The following CAPS2 variants were observed in gnomAD, a reference collection of about 807,000 sequenced individuals.
CAPS2 encodes calcyphosine 2, also known as calcyphosin-2.
CAPS2 carries 98 observed loss-of-function variants against 86.5 expected under a neutral mutation model. That is an observed-to-expected ratio of 1.13 (90% CI 0.96 to 1.34). The LOEUF (loss-of-function observed/expected upper bound fraction) is 1.34. Among genes scored for constraint, CAPS2 ranks in the 40% most tolerant of loss-of-function variants. CAPS2 has a pLI of 0.00. For missense variants in CAPS2, 729 were observed against 686.8 expected (o/e 1.06, Z -0.69); for synonymous variants, 210 against 225.1 (o/e 0.93, Z 0.60).
intron 13 of CAPS2, among the ~76,000 whole-genome samples, chr12:75,290,329 C>T (rs1315225877): frequency 6.6e-6 from 1 of 152,118 alleles, no homozygotes; most frequent in African/African-American, 2.4e-5. Context: ...TTGCTTAGAT[C>T]CCTAGCATTC....
intron 1 of CAPS2, among the ~76,000 whole-genome samples, chr12:75,358,767 G>A (rs891852676): frequency 3.6e-5 from 5 of 140,032 alleles, no homozygotes; most frequent in Admixed American, 1.5e-4. Flanking sequence ...TATTATATAT[G>A]TTTAAATATA....
chr12:75,359,670 T>C (rs764597780), intron 1 of CAPS2, among the ~76,000 whole-genome samples: 22 of 152,056 alleles, frequency 1.4e-4, no homozygotes, highest in Admixed American at 3.3e-4. Flanking sequence ...AGATCAGAAA[T>C]AGACTCACAC....
chr12:75,353,840 C>T (rs561632244), intron 1 of CAPS2, among the ~76,000 whole-genome samples: 25 of 152,250 alleles, frequency 1.6e-4, no homozygotes, highest in African/African-American at 5.1e-4. Flanking sequence ...GTTCAACATA[C>T]GCAAATCAAT....
intron 1 of CAPS2, chr12:75,363,008 C>G (rs1375322008): frequency 1.7e-6 from 1 of 578,746 alleles, no homozygotes; most frequent in Non-Finnish European, 3.1e-6. Context: ...ACATTTATGA[C>G]TTAATAAATG....
At position 75,354,054 on chromosome 12, in the gene CAPS2, C is replaced by T. The variant is rs187116351; in HGVS notation, c.-394-30832G>A. Reference sequence around the variant, plus strand: ...CAATGTCATACTGAATGGGCAAAAGCTGGATGCATTCCCCTTGAAAACCAG... The same window carrying T: ...CAATGTCATACTGAATGGGCAAAAGTTGGATGCATTCCCCTTGAAAACCAG... On this transcript the variant is annotated intron_variant, in intron 1 of 5. Transcript: ENST00000551829. Among the ~76,000 whole-genome samples the T allele has an allele frequency of 6.6e-4, 100 of 150,682 alleles. 1 individual carries two copies. In the East Asian group the frequency reaches 0.019, roughly 29 times the overall value.
In CAPS2 at chr12:75,312,843, C is replaced by A; in HGVS notation, c.659+5G>T. ...TGATTTCTATTACCAGTTGCTAATT[C>A]TCACCTAGATAAGTGGTCTATCATC... On this transcript the variant is annotated splice_donor_5th_base_variant and intron_variant, in intron 7 of 16. Coordinates refer to ENST00000393284, the Ensembl canonical transcript of CAPS2. 6.6e-7 allele frequency: 1 copy of A among 1,525,316 alleles called. No individual in the cohort carries two copies. The highest frequency in any genetic ancestry group is 9.1e-7 in the Non-Finnish European group (1 of 1,101,468). 94.5% of individuals were successfully genotyped at this position (1,525,316 alleles called of 1,614,324 possible). A position where few individuals can be genotyped will look rare whatever the true frequency, so the allele number is the denominator to read the frequency against.
intron 16 of CAPS2, among the ~76,000 whole-genome samples, chr12:75,280,456 T>C (rs182957884): frequency 1.9e-3 from 292 of 151,856 alleles, no homozygotes; most frequent in African/African-American, 6.7e-3. Flanking sequence ...CAAAAAAGGC[T>C]TTCCCAACAA....
chr12:75,334,486 C>T (rs2041567304), upstream of CAPS2: 2 of 1,311,258 alleles, frequency 1.5e-6, no homozygotes, highest in Non-Finnish European at 1.9e-6. Flanking sequence ...GGTTGAAATT[C>T]CCTCCACCAG....
At position 75,282,634 on chromosome 12, in the gene CAPS2, G is replaced by A. The variant is rs1031027963; in HGVS notation, c.1516-287C>T. 4.6e-5 allele frequency among the ~76,000 whole-genome samples: 7 copies of A among 152,052 alleles called. No individual in the cohort carries two copies. The East Asian group carries it at 7.7e-4, about 17-fold the overall frequency. ...ATTCCTAACCTCAGGTGACCCACCC[G>A]CCTCGGCCTCCCAAAGTACTGGGAT... On this transcript the variant is annotated intron_variant, in intron 15 of 16. Coordinates refer to ENST00000393284, the Ensembl canonical transcript of CAPS2.
At chr12:75,339,536 T>C (rs1276496568) in intron 1 of CAPS2, among the ~76,000 whole-genome samples, 1 of 152,196 alleles carries the variant, frequency 6.6e-6, no homozygotes, top group African/African-American at 2.4e-5. Flanking sequence ...TACCATTCTG[T>C]AGGTTGTCTG....
chr12:75,277,854 A>C, exon 17 of CAPS2: 1 of 901,994 alleles, frequency 1.1e-6, no homozygotes, highest in Non-Finnish European at 1.3e-6. Flanking sequence ...ATTCCCAGGA[A>C]GAAATGACTA....
exon 17 of CAPS2, chr12:75,278,158 G>C (rs558816193): frequency 3.1e-6 from 3 of 954,974 alleles, no homozygotes; most frequent in Non-Finnish European, 3.7e-6. Context: ...CTGGTAAAAA[G>C]GATTACAGTT....
chr12:75,291,827 T>C lies in CAPS2; in HGVS notation c.1164-7A>G, dbSNP rs759008413. On this transcript the variant is annotated splice_region_variant and splice_polypyrimidine_tract_variant and intron_variant, in intron 12 of 16. Transcript: ENST00000393284. Reference sequence around the variant, plus strand: ...CTGTTCCATAGAAGCAGTTCTGCAATTGACATGTTCACAGGGATGAAATAT... The same window carrying C: ...CTGTTCCATAGAAGCAGTTCTGCAACTGACATGTTCACAGGGATGAAATAT... 41 of 1,484,160 alleles carry C rather than the reference T, an allele frequency of 2.8e-5. No homozygotes were observed. Among genetic ancestry groups the C allele is most frequent in the Non-Finnish European group, 3.7e-5 (40 of 1,082,302 alleles). The allele number at this position is 1,484,160 out of a possible 1,614,324, so 91.9% of individuals were successfully genotyped here. A position where few individuals can be genotyped will look rare whatever the true frequency, so the allele number is the denominator to read the frequency against.
intron 1 of CAPS2, among the ~76,000 whole-genome samples, chr12:75,355,713 A>G (rs2043112814): frequency 6.6e-6 from 1 of 152,242 alleles, no homozygotes; most frequent in South Asian, 2.1e-4. Context: ...AATAGCAAAG[A>G]CATGGAATCA....
chr12:75,321,613 A>T (rs764309106), intron 4 of CAPS2, 37 bp from the exon 5 acceptor site: 1 of 1,434,782 alleles, frequency 7.0e-7, no homozygotes, highest in South Asian at 1.3e-5. Flanking sequence ...TATCAGAAAA[A>T]AAAAGTATTA....
chr12:75,369,933 T>C, intron 1 of CAPS2: 1 of 1,222,712 alleles, frequency 8.2e-7, no homozygotes, highest in Non-Finnish European at 1.1e-6. Context: ...TAACATTTTA[T>C]AATATTAACT....
At chr12:75,277,211 T>C (rs202109323) in exon 17 of CAPS2, 1 of 11,146 alleles carries the variant, frequency 9.0e-5, no homozygotes, top group Admixed American at 6.1e-4. Context: ...GTAGCTTCCC[T>C]TTTTTTTTTT....
At chr12:75,314,536 T>A (rs2039558735) in intron 6 of CAPS2, among the ~76,000 whole-genome samples, 1 of 152,204 alleles carries the variant, frequency 6.6e-6, no homozygotes, top group South Asian at 2.1e-4. Context: ...TCTAAGCTCA[T>A]GATGCTTTAT....
In CAPS2 at chr12:75,303,783, T is replaced by C. The variant is rs181564303; in HGVS notation, c.779+974A>G. On this transcript the variant is annotated intron_variant, in intron 8 of 16. Coordinates refer to ENST00000393284, the Ensembl canonical transcript of CAPS2. ...TAAAATGGAGAGATTATTGGGATTA[T>C]CTGGGTAGATTCAACGCACTCACAC... Among the ~76,000 whole-genome samples the C allele has an allele frequency of 7.7e-4, 117 of 152,318 alleles. 1 individual carries two copies. Among genetic ancestry groups the C allele is most frequent in the Admixed American group, 7.6e-3 (116 of 15,296 alleles).
Sources: gnomAD v4.1 joint callset for allele counts (sites outside exome capture counted in the v4.1 genomes callset) on GRCh38, gnomAD v4.1.1 for gene constraint, MANE v1.5 for transcripts, NCBI Gene and HGNC (gene_info 2026-07-23, HGNC 2026-07-21) for gene names.